The following GALNT14 variants were observed in gnomAD, a reference collection of about 807,000 sequenced individuals.
GALNT14 encodes the protein UDP-GalNAc:polypeptide N-acetylgalactosaminyltransferase 14.
GALNT14 carries 60 observed loss-of-function variants against 77.5 expected under a neutral mutation model. The ratio of observed to expected loss-of-function variants is 0.77; its 90% CI spans 0.63 to 0.96. The LOEUF (loss-of-function observed/expected upper bound fraction) is 0.96. Among genes scored for constraint, GALNT14 ranks in the 40% least tolerant of loss-of-function variants. The pLI, the probability that GALNT14 is intolerant of heterozygous loss-of-function variation, is 0.00. For synonymous variants in GALNT14, 280 were observed against 281.7 expected (o/e 0.99, Z 0.06); for missense variants, 710 against 731.0 (o/e 0.97, Z 0.33).
chr2:30,985,843 G>A (rs1669266337), intron 2 of GALNT14, among the ~76,000 whole-genome samples: 1 of 152,150 alleles, frequency 6.6e-6, no homozygotes, highest in Non-Finnish European at 1.5e-5. Flanking sequence ...CCTTGGTGTG[G>A]AATCACTAAC....
intron 1 of GALNT14, among the ~76,000 whole-genome samples, chr2:31,084,436 G>A (rs956083508): frequency 6.6e-6 from 1 of 152,164 alleles, no homozygotes; most frequent in Non-Finnish European, 1.5e-5. Context: ...GCCTTCTTTG[G>A]ACCAGGCAGC....
rs1261438242 is a variant in GALNT14 at position 31,030,695 on chromosome 2, C to T, written c.130-37688G>A. Among the ~76,000 whole-genome samples the T allele has an allele frequency of 2.6e-5, 4 of 152,162 alleles. No individual in the cohort carries two copies. The East Asian group carries it at 7.7e-4, about 29-fold the overall frequency. ...ATGACTTCTGCTTCTCTCCTACCTT[C>T]CAAATCTCAGGCACAGGCTTCTCCC... is the stretch of plus-strand genomic sequence containing the variant. On this transcript the variant is annotated intron_variant, in intron 1 of 14. Transcript: ENST00000349752.
At chr2:30,897,863 C>T in the GALNT14 span, among the ~76,000 whole-genome samples, 1 of 152,192 alleles carries the variant, frequency 6.6e-6, no homozygotes, top group Admixed American at 6.5e-5. Context: ...CTGATCTTAA[C>T]CTGTTTGGGA....
chr2:31,116,519 A>G (rs1404061275), intron 1 of GALNT14, among the ~76,000 whole-genome samples: 1 of 152,130 alleles, frequency 6.6e-6, no homozygotes. Context: ...TTAAGGCACA[A>G]TTTATTAAAA....
At chr2:31,135,476 G>A (rs746964252) in intron 1 of GALNT14, among the ~76,000 whole-genome samples, 7 of 151,526 alleles carry the variant, frequency 4.6e-5, no homozygotes, top group Non-Finnish European at 8.8e-5. Context: ...GATACAGAGC[G>A]ACATACATAC....
chr2:31,088,959 T>A (rs1025360558), intron 1 of GALNT14, among the ~76,000 whole-genome samples: 3 of 152,198 alleles, frequency 2.0e-5, no homozygotes, highest in Admixed American at 6.5e-5. Flanking sequence ...CAAGAAGGTT[T>A]AAAGGTTTGG....
intron 13 of GALNT14, among the ~76,000 whole-genome samples, chr2:30,919,472 G>A (rs1410532319): frequency 6.6e-6 from 1 of 152,172 alleles, no homozygotes; most frequent in Non-Finnish European, 1.5e-5. Flanking sequence ...TCACCTGCCT[G>A]CAGAGACTGT....
intron 1 of GALNT14, among the ~76,000 whole-genome samples, chr2:31,043,947 G>A (rs564630123): frequency 9.5e-5 from 7 of 73,430 alleles, no homozygotes; most frequent in East Asian, 0.011. Context: ...CAGTTACAGC[G>A]TGCTCCCTGC....
At chr2:31,085,745 T>C (rs1382689324) in intron 1 of GALNT14, among the ~76,000 whole-genome samples, 1 of 152,232 alleles carries the variant, frequency 6.6e-6, no homozygotes, top group Non-Finnish European at 1.5e-5. Context: ...ATTTTCCACA[T>C]GTGACACGTG....
chr2:31,012,695 G>A (rs1671106207), intron 1 of GALNT14, among the ~76,000 whole-genome samples: 1 of 152,032 alleles, frequency 6.6e-6, no homozygotes, highest in African/African-American at 2.4e-5. Flanking sequence ...GCATGGCAAT[G>A]ATGCAAACAT....
rs138020164 is a variant in GALNT14 at position 31,065,988 on chromosome 2, A to C, written c.129+71970T>G. Among the ~76,000 whole-genome samples the C allele has an allele frequency of 8.5e-5, 13 of 152,160 alleles. 1 individual carries two copies. The East Asian group carries it at 1.9e-3, about 23-fold the overall frequency. ...GAGTCAGGATTCCAATCCCCGCCCC[A>C]CCCTCTTCCTACCTGTGTGACCTAG... On this transcript the variant is annotated intron_variant, in intron 1 of 14. Coordinates refer to ENST00000349752, the MANE Select transcript of GALNT14 (RefSeq NM_024572.4).
At chr2:31,133,135 AT>A (rs1438339417) in intron 1 of GALNT14, among the ~76,000 whole-genome samples, 1 of 152,036 alleles carries the variant, frequency 6.6e-6, no homozygotes, top group Non-Finnish European at 1.5e-5. Flanking sequence ...CAGTCTCTGA[AT>A]TTTCGGGGAG....
At chr2:30,891,233 C>T in the GALNT14 span, among the ~76,000 whole-genome samples, 4 of 152,140 alleles carry the variant, frequency 2.6e-5, no homozygotes, top group Non-Finnish European at 1.5e-5. Flanking sequence ...TACAGATTCC[C>T]AGGCTCCAGC....
intron 1 of GALNT14, 63 bp downstream of exon 1, chr2:31,137,895 A>G: frequency 6.5e-7 from 1 of 1,548,538 alleles, no homozygotes; most frequent in Non-Finnish European, 8.7e-7. Context: ...CAAACCCGGC[A>G]CGCGGGCTGC....
chr2:30,998,076 A>G (rs76169373), intron 1 of GALNT14, among the ~76,000 whole-genome samples: 31 of 152,332 alleles, frequency 2.0e-4, no homozygotes, highest in African/African-American at 6.7e-4. Context: ...ATGGATGGAT[A>G]TTATGCTAAG....
At chr2:31,035,041 C>T (rs536294713) in intron 1 of GALNT14, among the ~76,000 whole-genome samples, 5 of 152,308 alleles carry the variant, frequency 3.3e-5, no homozygotes, top group South Asian at 2.1e-4. Context: ...GAATGTTCCA[C>T]GTACACTTTA....
intron 13 of GALNT14, among the ~76,000 whole-genome samples, chr2:30,917,076 CAAA>C (rs529653696): frequency 3.0e-3 from 60 of 19,882 alleles, no homozygotes; most frequent in African/African-American, 9.3e-3. Context: ...GACTCCGTCT[CAAA>C]AAAAAAAAAA....
intron 2 of GALNT14, among the ~76,000 whole-genome samples, chr2:30,988,427 C>T (rs1185199463): frequency 6.6e-6 from 1 of 152,086 alleles, no homozygotes; most frequent in Admixed American, 6.5e-5. Context: ...GAGGTGATGC[C>T]AATTGCTAGG....
At chr2:31,110,452 G>T (rs1373385385) in intron 1 of GALNT14, among the ~76,000 whole-genome samples, 1 of 152,194 alleles carries the variant, frequency 6.6e-6, no homozygotes, top group Non-Finnish European at 1.5e-5. Context: ...AACCTCCAAT[G>T]AGCAAAATCA....
Sources: gnomAD v4.1 joint callset for allele counts (sites outside exome capture counted in the v4.1 genomes callset) on GRCh38, gnomAD v4.1.1 for gene constraint, MANE v1.5 for transcripts, NCBI Gene and HGNC (gene_info 2026-07-23, HGNC 2026-07-21) for gene names.